The following SGCZ variants were observed in gnomAD, a reference collection of about 807,000 sequenced individuals.
SGCZ encodes zeta-sarcoglycan.
In SGCZ, 40 loss-of-function variants were observed where a neutral mutation model predicts 41.3. The observed-to-expected ratio is 0.97, with a 90% CI of 0.75 to 1.26. SGCZ has a LOEUF of 1.26. SGCZ is among the 50% of genes most tolerant of loss of function. The probability of loss-of-function intolerance (pLI) is 0.00; values close to 1 mark genes in which losing one functional copy is unlikely to be tolerated. For synonymous variants in SGCZ, 206 were observed against 137.5 expected (o/e 1.50, Z -3.49); for missense variants, 552 against 369.8 (o/e 1.49, Z -4.04).
chr8:14,977,880 T>TACACACAC (rs10562709), intron 1 of SGCZ, among the ~76,000 whole-genome samples: 4 of 149,640 alleles, frequency 2.7e-5, no homozygotes, highest in South Asian at 4.2e-4. Context: ...AGAACAATTT[T>TACACACAC]ACACACACAC....
chr8:14,723,229 A>C (rs1247136944), intron 1 of SGCZ, among the ~76,000 whole-genome samples: 4 of 152,216 alleles, frequency 2.6e-5, no homozygotes, highest in Non-Finnish European at 1.5e-5. Context: ...GAAAATGCAG[A>C]ATGTGAATGG....
At chr8:15,186,105 A>T (rs938389344) in intron 1 of SGCZ, among the ~76,000 whole-genome samples, 21 of 149,934 alleles carry the variant, frequency 1.4e-4, no homozygotes, top group Admixed American at 8.6e-4. Flanking sequence ...AAAAAATAAA[A>T]AAAAAACTTA....
intron 1 of SGCZ, among the ~76,000 whole-genome samples, chr8:14,769,765 A>G (rs1194330955): frequency 1.4e-5 from 2 of 143,770 alleles, no homozygotes; most frequent in Non-Finnish European, 3.0e-5. Flanking sequence ...ATTGCACTCC[A>G]TCCTGGGCGA....
At chr8:14,846,703 C>CAAAAAAAAAAAA (rs56796907) in intron 1 of SGCZ, among the ~76,000 whole-genome samples, 2 of 19,382 alleles carry the variant, frequency 1.0e-4, no homozygotes, top group Non-Finnish European at 2.3e-4. Flanking sequence ...CCTTTAAATC[C>CAAAAAAAAAAAA]AAAAAAAAAA....
chr8:14,767,544 A>T (rs1161290276), intron 1 of SGCZ, among the ~76,000 whole-genome samples: 1 of 152,232 alleles, frequency 6.6e-6, no homozygotes, highest in Non-Finnish European at 1.5e-5. Flanking sequence ...TGCAGATTGT[A>T]ATGAGCTGCC....
intron 1 of SGCZ, among the ~76,000 whole-genome samples, chr8:14,963,848 T>A (rs919732659): frequency 2.0e-5 from 3 of 152,186 alleles, no homozygotes; most frequent in Non-Finnish European, 2.9e-5. Flanking sequence ...CCCCAAAGTT[T>A]CACGCTTTCC....
At chr8:14,414,876 G>A (rs1799453595) in intron 2 of SGCZ, among the ~76,000 whole-genome samples, 1 of 151,930 alleles carries the variant, frequency 6.6e-6, no homozygotes, top group African/African-American at 2.4e-5. Flanking sequence ...AAGTTTTAAT[G>A]TGAGTGGTAA....
At chr8:14,910,284 A>G (rs899667044) in intron 1 of SGCZ, among the ~76,000 whole-genome samples, 1 of 152,098 alleles carries the variant, frequency 6.6e-6, no homozygotes, top group African/African-American at 2.4e-5. Context: ...ATTTTCACCA[A>G]TACACATTGA....
chr8:14,841,823 C>G (rs1471378689), intron 1 of SGCZ, among the ~76,000 whole-genome samples: 2 of 152,062 alleles, frequency 1.3e-5, no homozygotes, highest in Admixed American at 6.5e-5. Flanking sequence ...GAAATTGAGA[C>G]CTGGAAAAAT....
At chr8:14,532,569 G>C (rs967714426) in intron 2 of SGCZ, among the ~76,000 whole-genome samples, 7 of 151,762 alleles carry the variant, frequency 4.6e-5, no homozygotes, top group African/African-American at 1.2e-4. Flanking sequence ...GGAGCAAGTG[G>C]AATAGCATTC....
chr8:14,421,808 T>C (rs970043220), intron 2 of SGCZ, among the ~76,000 whole-genome samples: 5 of 152,102 alleles, frequency 3.3e-5, no homozygotes, highest in Non-Finnish European at 2.9e-5. Flanking sequence ...CAATAAAATA[T>C]ATACTAAATT....
intron 1 of SGCZ, chr8:14,879,684 T>C (rs1006124227): frequency 1.3e-5 from 2 of 152,112 alleles, no homozygotes; most frequent in Admixed American, 1.3e-4. Context: ...ATAAGTTTTT[T>C]CAGTTCCCTT....
chr8:14,405,208 G>A (rs932157231), intron 2 of SGCZ, among the ~76,000 whole-genome samples: 1 of 152,126 alleles, frequency 6.6e-6, no homozygotes, highest in Non-Finnish European at 1.5e-5. Context: ...AATCACCTCC[G>A]TTGAAATATA....
chr8:14,607,498 C>T (rs1178399086), intron 1 of SGCZ, among the ~76,000 whole-genome samples: 2 of 152,144 alleles, frequency 1.3e-5, no homozygotes, highest in African/African-American at 2.4e-5. Flanking sequence ...CATCATTTCC[C>T]TTCCAATATG....
rs956713730 is a variant in SGCZ, at chr8:14,679,434, C to T, written c.40-124508G>A. 3.3e-5 allele frequency among the ~76,000 whole-genome samples: 5 copies of T among 151,524 alleles called. No individual in the cohort carries two copies. The South Asian group carries it at 1.0e-3, about 32-fold the overall frequency. On this transcript the variant is annotated intron_variant, in intron 1 of 7. Transcript: ENST00000382080. The stretch of plus-strand genomic sequence containing the variant: ...ACAGTGACATTGATGATCCTGACCC[C>T]GCATAGGCCCAAACTAATATGTGTG...
chr8:14,922,147 A>G lies in SGCZ; in HGVS notation c.39+315438T>C, dbSNP rs79068722. 4.6e-3 allele frequency among the ~76,000 whole-genome samples: 697 copies of G among 152,084 alleles called. 4 individuals carry two copies. Among genetic ancestry groups the G allele is most frequent in the African/African-American group, 0.016 (672 of 41,514 alleles). The stretch of plus-strand genomic sequence containing the variant: ...CTTAGTCAGCTTCAGACCTTGGGGA[A>G]GGGAACCAGCTGTGTAAAAGATGAT... On this transcript the variant is annotated intron_variant, in intron 1 of 7. Transcript: ENST00000382080.
chr8:15,054,389 C>T (rs551750209), intron 1 of SGCZ, among the ~76,000 whole-genome samples: 71 of 152,218 alleles, frequency 4.7e-4, no homozygotes, highest in African/African-American at 1.7e-3. Flanking sequence ...CTATTAATAG[C>T]TTATATGCCA....
intron 1 of SGCZ, among the ~76,000 whole-genome samples, chr8:15,155,333 T>G (rs1456221792): frequency 6.6e-6 from 1 of 152,198 alleles, no homozygotes; most frequent in Non-Finnish European, 1.5e-5. Flanking sequence ...GTAATTAATA[T>G]GCTATCATAA....
intron 1 of SGCZ, among the ~76,000 whole-genome samples, chr8:14,808,390 A>C (rs1342688922): frequency 6.6e-6 from 1 of 152,192 alleles, no homozygotes; most frequent in Non-Finnish European, 1.5e-5. Flanking sequence ...TACAAGAAAA[A>C]AAACAAACAA....
Sources: allele counts gnomAD v4.1 joint callset (sites outside exome capture counted in the v4.1 genomes callset), GRCh38; gene constraint gnomAD v4.1.1; transcripts MANE v1.5; gene names NCBI Gene and HGNC (gene_info 2026-07-23, HGNC 2026-07-21).